The following VAV1 variants were observed in gnomAD, a reference collection of about 807,000 sequenced individuals.
The protein encoded by VAV1 is proto-oncogene vav.
A neutral mutation model predicts 128.1 loss-of-function variants in VAV1; 33 were observed. That is an observed-to-expected ratio of 0.26 (90% confidence interval 0.20 to 0.34). The LOEUF (loss-of-function observed/expected upper bound fraction) is 0.34. VAV1 is among the 10% of genes least tolerant of loss of function. The pLI is 1.00. For synonymous variants in VAV1, 394 were observed against 409.8 expected, an observed-to-expected ratio of 0.96 and a Z score of 0.47; for missense variants, 715 against 1,093.7, an observed-to-expected ratio of 0.65 and a Z score of 4.88.
rs773341851 is a variant in VAV1, at chr19:6,828,613, C to A, written c.1093-9C>A. ...TGGGGGGCCAGGTTCACCCCTGCCC[C>A]CTCCCCAGGACCTGGCTCAGTGCGT... On this transcript the variant is annotated splice_polypyrimidine_tract_variant and intron_variant, in intron 11 of 26. Transcript: ENST00000602142. This position sits in a 1 kb window ranked among gnomAD's most constrained non-coding sequence, Gnocchi z 4.5. 2 of 1,613,922 alleles carry A rather than the reference C, an allele frequency of 1.2e-6. No homozygotes were observed. The highest frequency in any genetic ancestry group is 1.7e-5 in the Admixed American group (1 of 60,008).
intron 1 of VAV1, among the ~76,000 whole-genome samples, chr19:6,803,032 C>T (rs1344342308): frequency 6.6e-6 from 1 of 152,134 alleles, no homozygotes; most frequent in African/African-American, 2.4e-5. Flanking sequence ...AACAAATTGT[C>T]CTTCGGTAGA....
At chr19:6,814,682 T>TCTCTCTC (rs1971595417) in intron 1 of VAV1, among the ~76,000 whole-genome samples, 2 of 111,518 alleles carry the variant, frequency 1.8e-5, no homozygotes, top group African/African-American at 8.8e-5. Flanking sequence ...CTTTCTTTCT[T>TCTCTCTC]TCTTTCTTTC....
intron 22 of VAV1, among the ~76,000 whole-genome samples, chr19:6,847,476 C>A (rs1184468984): frequency 1.3e-5 from 2 of 152,158 alleles, no homozygotes; most frequent in African/African-American, 4.8e-5. Flanking sequence ...CATTGTAGCC[C>A]ATGTCAGTGC....
intron 21 of VAV1, among the ~76,000 whole-genome samples, chr19:6,838,097 G>GTCTATCTATCTATCTA (rs151241479): frequency 0.012 from 1,692 of 146,636 alleles, 17 homozygotes; most frequent in Non-Finnish European, 0.015. Context: ...CTGTCTGTCT[G>GTCTATCTATCTATCTA]TCTATCTATC....
At chr19:6,792,013 G>A (rs141236402) in intron 1 of VAV1, among the ~76,000 whole-genome samples, 1 of 152,002 alleles carries the variant, frequency 6.6e-6, no homozygotes, top group Non-Finnish European at 1.5e-5. Flanking sequence ...GGAACTTAAG[G>A]GGGGGATGGG....
chr19:6,834,823 A>G (rs1972180428), intron 19 of VAV1, among the ~76,000 whole-genome samples: 1 of 151,208 alleles, frequency 6.6e-6, no homozygotes, highest in Non-Finnish European at 1.5e-5. Flanking sequence ...AATATATAAC[A>G]TAAGTCAGGT....
Position 6,822,335 on chromosome 19 carries a change from T to C in VAV1, c.558+6T>C, listed in dbSNP as rs777010837. On this transcript the variant is annotated splice_donor_region_variant and intron_variant, in intron 5 of 26. Transcript: ENST00000602142. This position sits in a 1 kb window ranked among gnomAD's most constrained non-coding sequence, Gnocchi z 5.9. ...CGGAGCCCGTGTCCATGCCGGTGCG[T>C]GACGTGGAGGGTCGGGCCTGGGGAG... 4 of 1,567,928 alleles carry C rather than the reference T, an allele frequency of 2.6e-6. No homozygotes were observed. Among genetic ancestry groups the C allele is most frequent in the Admixed American group, 1.9e-5 (1 of 52,216 alleles).
chr19:6,814,687 T>C (rs185595209), intron 1 of VAV1, among the ~76,000 whole-genome samples: 2,978 of 103,870 alleles, frequency 0.029, 49 homozygotes, highest in African/African-American at 0.088. Flanking sequence ...TTTCTTTCTT[T>C]CTTTCTTTCT....
intron 1 of VAV1, among the ~76,000 whole-genome samples, chr19:6,781,865 C>G (rs1320964623): frequency 6.6e-6 from 1 of 152,260 alleles, no homozygotes; most frequent in South Asian, 2.1e-4. Context: ...GTCTTGGCCT[C>G]CCAAAGTGCT....
At position 6,833,254 on chromosome 19, in the gene VAV1, A is replaced by G. The variant is rs1188954936; in HGVS notation, c.1579A>G (p.Thr527Ala). 2 of 1,613,372 alleles carry G rather than the reference A, an allele frequency of 1.2e-6. No homozygotes were observed. The highest frequency in any genetic ancestry group is 1.7e-6 in the Non-Finnish European group (2 of 1,179,854). The part of the protein sequence containing the change: ...DFQMFSFEET[T>A]SCKACQMLLR... ...CCAGATGTTCTCCTTTGAGGAGACC[A>G]CATCCTGCAAGGCCTGTCAGATGCT... The change falls in exon 16 of 27, where the codon ACA becomes GCA. Residue 527 changes from threonine (T) to alanine (A), a missense_variant. Physicochemically the swap from Thr to Ala is moderately conservative, Grantham distance 58 (BLOSUM62 0). This residue lies in a region of VAV1 where 407 missense variants were observed against 580.6 expected (regional missense o/e 0.70). Transcript: ENST00000602142.
intron 26 of VAV1, among the ~76,000 whole-genome samples, chr19:6,855,080 A>G (rs1972759206): frequency 6.6e-6 from 1 of 152,148 alleles, no homozygotes; most frequent in Non-Finnish European, 1.5e-5. Flanking sequence ...CCAAGTTCTC[A>G]TTTTTGTTCC....
Position 6,828,258 on chromosome 19 carries a change from G to T in VAV1, c.1023+87G>T. 6.5e-7 allele frequency: 1 copy of T among 1,547,224 alleles called. No homozygotes were observed. Among genetic ancestry groups the T allele is most frequent in the South Asian group, 1.1e-5 (1 of 87,586 alleles). On this transcript the variant is annotated intron_variant, in intron 10 of 26. Transcript: ENST00000602142. This position sits in a 1 kb window ranked among gnomAD's most constrained non-coding sequence, Gnocchi z 4.5. ...GGGACGGGGCTGGCTTCTGGGGGTT[G>T]GGTCTCTAGGACGCTCGGGGATGGG... is the stretch of plus-strand genomic sequence containing the variant.
At chr19:6,842,339 G>A (rs1241283088) in intron 21 of VAV1, among the ~76,000 whole-genome samples, 1 of 152,168 alleles carries the variant, frequency 6.6e-6, no homozygotes, top group African/African-American at 2.4e-5. Context: ...GTAAAGAGCC[G>A]AAGAGTAGTG....
intron 1 of VAV1, among the ~76,000 whole-genome samples, chr19:6,804,578 G>A (rs1414688934): frequency 2.6e-5 from 4 of 151,962 alleles, no homozygotes; most frequent in African/African-American, 9.7e-5. Context: ...CACCACGCCT[G>A]ACTAACTTTT....
chr19:6,820,934 A>C lies in VAV1; in HGVS notation c.321+116A>C. 1 of 961,298 alleles carries C rather than the reference A, an allele frequency of 1.0e-6. No individual in the cohort carries two copies. Among genetic ancestry groups the C allele is most frequent in the Non-Finnish European group, 1.6e-6 (1 of 610,596 alleles). 59.5% of individuals were successfully genotyped at this position (961,298 alleles called of 1,614,324 possible). On this transcript the variant is annotated intron_variant, in intron 2 of 26. Coordinates refer to ENST00000602142, the MANE Select transcript of VAV1 (RefSeq NM_005428.4). The surrounding 1 kb of genome is among the most constrained non-coding windows in gnomAD (Gnocchi z 4.4). ...GCAGACAAGCCAGACCAGGCCATAT[A>C]CAAGACGCAAATAGCACTGGCTTGG...
intron 1 of VAV1, among the ~76,000 whole-genome samples, chr19:6,790,945 C>T (rs13346604): frequency 1.6e-3 from 251 of 152,258 alleles, no homozygotes; most frequent in Middle Eastern, 6.8e-3. Context: ...TTTGCCTCTT[C>T]CCTGTTTCAG....
intron 1 of VAV1, among the ~76,000 whole-genome samples, chr19:6,810,865 C>T (rs1482764658): frequency 6.6e-6 from 1 of 151,980 alleles, no homozygotes; most frequent in East Asian, 1.9e-4. Context: ...CAATCTTGGA[C>T]CTGTTAAGTT....
intron 1 of VAV1, among the ~76,000 whole-genome samples, chr19:6,774,111 C>G (rs1970565194): frequency 6.6e-6 from 1 of 151,858 alleles, no homozygotes. Context: ...CGCCTTTACT[C>G]CTTCTGTTTA....
chr19:6,813,901 T>TA (rs1020265179), intron 1 of VAV1, among the ~76,000 whole-genome samples: 2 of 151,238 alleles, frequency 1.3e-5, no homozygotes, highest in South Asian at 2.1e-4. Context: ...AAAAAATCTT[T>TA]AAAAAAAAAT....
Sources: gnomAD v4.1 joint callset for allele counts (sites outside exome capture counted in the v4.1 genomes callset) on GRCh38, gnomAD v4.1.1 for gene constraint, gnomAD v4.1.1 regional missense constraint, Gnocchi (gnomAD v3.1) non-coding constraint, MANE v1.5 for transcripts, NCBI Gene and HGNC (gene_info 2026-07-23, HGNC 2026-07-21) for gene names.